The following FBXW2 variants were observed in gnomAD, a reference collection of about 807,000 sequenced individuals.
FBXW2 encodes F-box/WD repeat-containing protein 2.
Under a neutral mutation model 46.0 loss-of-function variants are expected in FBXW2, and 12 were observed. That is an observed-to-expected ratio of 0.26 (90% CI 0.17 to 0.42). The LOEUF (loss-of-function observed/expected upper bound fraction) is 0.42. Ranked by LOEUF, FBXW2 falls within the 10% of genes least tolerant of loss-of-function variation. The probability of loss-of-function intolerance (pLI) is 1.00; values close to 1 mark genes in which losing one functional copy is unlikely to be tolerated. For synonymous variants in FBXW2, 203 were observed against 209.6 expected, an observed-to-expected ratio of 0.97 and a Z score of 0.27; for missense variants, 360 against 537.0, an observed-to-expected ratio of 0.67 and a Z score of 3.26.
intron 5 of FBXW2, among the ~76,000 whole-genome samples, chr9:120,775,705 C>G (rs1029766515): frequency 4.6e-5 from 7 of 152,098 alleles, no homozygotes; most frequent in African/African-American, 1.7e-4. Context: ...AATTGCTTTT[C>G]TGATTAAGAA....
At chr9:120,774,643 T>A (rs2044454529) in intron 5 of FBXW2, among the ~76,000 whole-genome samples, 1 of 152,230 alleles carries the variant, frequency 6.6e-6, no homozygotes. Flanking sequence ...GTTATGGGCA[T>A]CTTTTGCTTA....
chr9:120,764,783 G>A lies in FBXW2; in HGVS notation c.1141C>T (p.Leu381=). 6.2e-7 allele frequency: 1 copy of A among 1,612,914 alleles called. No individual in the cohort carries two copies. Among genetic ancestry groups the A allele is most frequent in the Non-Finnish European group, 8.5e-7 (1 of 1,179,008 alleles). Residue 381 remains leucine, a synonymous_variant, in exon 8 of 8, where the codon CTG becomes TTG. Transcript: ENST00000608872. ...LLGFGDIFAL[L]FDNRYLYIMD... ...ATGTACAGGTAGCGGTTGTCAAACA[G>A]CAGGGCAAAGATATCTCCAAAGCCA...
At chr9:120,791,270 C>A (rs575423442) in intron 2 of FBXW2, among the ~76,000 whole-genome samples, 2 of 152,250 alleles carry the variant, frequency 1.3e-5, no homozygotes, top group South Asian at 2.1e-4. Flanking sequence ...TCAGCGCTTT[C>A]CAACAATGGA....
intron 5 of FBXW2, among the ~76,000 whole-genome samples, chr9:120,773,483 G>C (rs1250137645): frequency 6.6e-6 from 1 of 152,104 alleles, no homozygotes; most frequent in Non-Finnish European, 1.5e-5. Context: ...CAGGAGACAA[G>C]CACCTATTAT....
intron 5 of FBXW2, among the ~76,000 whole-genome samples, chr9:120,774,504 CCT>C (rs954621382): frequency 1.6e-4 from 24 of 152,104 alleles, no homozygotes; most frequent in African/African-American, 5.8e-4. Flanking sequence ...AGAATGAGAC[CCT>C]GTCTGTATTA....
At chr9:120,769,320 C>T (rs2044329491) in intron 7 of FBXW2, among the ~76,000 whole-genome samples, 1 of 152,100 alleles carries the variant, frequency 6.6e-6, no homozygotes, top group Non-Finnish European at 1.5e-5. Flanking sequence ...AGACTCTTTT[C>T]GGAGAAAAAA....
At chr9:120,775,118 C>T in intron 5 of FBXW2, among the ~76,000 whole-genome samples, 1 of 151,504 alleles carries the variant, frequency 6.6e-6, no homozygotes, top group Non-Finnish European at 1.5e-5. Flanking sequence ...AGTGCAGTGG[C>T]ACGATCTTGG....
intron 5 of FBXW2, among the ~76,000 whole-genome samples, chr9:120,775,185 GA>G: frequency 6.6e-6 from 1 of 151,980 alleles, no homozygotes; most frequent in East Asian, 1.9e-4. Context: ...TCAGCCTCCT[GA>G]GTAGCTGGGA....
intron 2 of FBXW2, among the ~76,000 whole-genome samples, chr9:120,789,540 C>A (rs2044791668): frequency 6.6e-6 from 1 of 152,112 alleles, no homozygotes; most frequent in African/African-American, 2.4e-5. Context: ...ATTTATTATT[C>A]TCTTTATTTC....
intron 3 of FBXW2, among the ~76,000 whole-genome samples, chr9:120,786,824 A>G (rs1267579008): frequency 6.6e-6 from 1 of 152,242 alleles, no homozygotes; most frequent in African/African-American, 2.4e-5. Flanking sequence ...AGTTATAATC[A>G]TATACAGAAA....
intron 4 of FBXW2, among the ~76,000 whole-genome samples, chr9:120,777,830 T>C (rs1345507451): frequency 6.6e-6 from 1 of 151,886 alleles, no homozygotes; most frequent in African/African-American, 2.4e-5. Context: ...TTCAGGTATG[T>C]TTCTTTCGCC....
At chr9:120,787,202 G>A (rs936832082) in intron 3 of FBXW2, among the ~76,000 whole-genome samples, 11 of 152,242 alleles carry the variant, frequency 7.2e-5, no homozygotes, top group East Asian at 1.9e-4. Context: ...CTACTTTTTC[G>A]TATTTCAGTA....
At chr9:120,793,012 G>C in intron 2 of FBXW2, 137 bp downstream of exon 2, 6 of 1,486,808 alleles carry the variant, frequency 4.0e-6, no homozygotes, top group Non-Finnish European at 5.4e-6. Context: ...AACTCATTTC[G>C]CAGCTAAGGA....
At chr9:120,790,743 T>C (rs1243728712) in intron 2 of FBXW2, among the ~76,000 whole-genome samples, 3 of 152,108 alleles carry the variant, frequency 2.0e-5, no homozygotes, top group African/African-American at 4.8e-5. Context: ...CTAAGAGACA[T>C]ACTATAATAT....
At chr9:120,769,542 C>A (rs1312334812) in intron 7 of FBXW2, among the ~76,000 whole-genome samples, 1 of 152,192 alleles carries the variant, frequency 6.6e-6, no homozygotes, top group Non-Finnish European at 1.5e-5. Context: ...ATCTCTAGCC[C>A]ACCTTGCCTT....
At position 120,759,737 on chromosome 9, in the gene FBXW2, T is replaced by G. The variant is rs1321233780; in HGVS notation, c.*4822A>C. ...TTTACTTGGGCACATTTATGAAGAGTAGAAGTAGCTGAATTCTTTAGGCTG... is the reference window on the plus strand; with the variant it reads ...TTTACTTGGGCACATTTATGAAGAGGAGAAGTAGCTGAATTCTTTAGGCTG... On this transcript the variant is annotated 3_prime_UTR_variant, in exon 8 of 8. Transcript: ENST00000608872. The G allele has an allele frequency of 6.6e-6, 1 of 152,104 alleles. No individual in the cohort carries two copies. Among genetic ancestry groups the G allele is most frequent in the Non-Finnish European group, 1.5e-5 (1 of 68,038 alleles). 9.4% of individuals were successfully genotyped at this position (152,104 alleles called of 1,614,324 possible).
Position 120,764,348 on chromosome 9 carries a change from C to T in FBXW2, c.*211G>A, listed in dbSNP as rs572202143. 1.3e-4 allele frequency: 73 copies of T among 564,048 alleles called. No homozygotes were observed. In the East Asian group the frequency reaches 1.9e-3, roughly 14 times the overall value. 34.9% of individuals were successfully genotyped at this position (564,048 alleles called of 1,614,324 possible). On this transcript the variant is annotated 3_prime_UTR_variant, in exon 8 of 8. Coordinates refer to ENST00000608872, the MANE Select transcript of FBXW2 (RefSeq NM_012164.4). ...AAGTACAAATGAAGTCAATGGTGTACCCCATTAGCATGCTGCGTTGTATGT... is the reference window on the plus strand; with the variant it reads ...AAGTACAAATGAAGTCAATGGTGTATCCCATTAGCATGCTGCGTTGTATGT...
intron 3 of FBXW2, among the ~76,000 whole-genome samples, chr9:120,785,228 C>T (rs1230248357): frequency 6.6e-6 from 1 of 151,990 alleles, no homozygotes; most frequent in African/African-American, 2.4e-5. Flanking sequence ...AGGCTGGTCT[C>T]AAAACTCCTG....
chr9:120,767,512 G>A (rs888963976), intron 7 of FBXW2, among the ~76,000 whole-genome samples: 1 of 152,160 alleles, frequency 6.6e-6, no homozygotes, highest in Admixed American at 6.5e-5. Context: ...GGAATCAGAG[G>A]TCCCAATATG....
Sources: allele counts gnomAD v4.1 joint callset (sites outside exome capture counted in the v4.1 genomes callset), GRCh38; gene constraint gnomAD v4.1.1; transcripts MANE v1.5; gene names NCBI Gene and HGNC (gene_info 2026-07-23, HGNC 2026-07-21).